The following WDR70 variants were observed in gnomAD, a reference collection of about 807,000 sequenced individuals.
The protein encoded by WDR70 is WD repeat domain 70.
WDR70 carries 53 observed loss-of-function variants against 88.6 expected under a neutral mutation model. That is an observed-to-expected ratio of 0.60 (90% confidence interval 0.48 to 0.75). The LOEUF (loss-of-function observed/expected upper bound fraction) is 0.75, where lower values mean the gene tolerates loss of function less well. Ranked by LOEUF, WDR70 falls within the 30% of genes least tolerant of loss-of-function variation. The probability of loss-of-function intolerance (pLI) is 0.00; values close to 1 mark genes in which losing one functional copy is unlikely to be tolerated. For synonymous variants in WDR70, 280 were observed against 270.0 expected (o/e 1.04, Z -0.36); for missense variants, 610 against 823.2 (o/e 0.74, Z 3.17).
intron 9 of WDR70, among the ~76,000 whole-genome samples, chr5:37,597,414 G>C (rs1398033727): frequency 4.0e-5 from 6 of 151,742 alleles, no homozygotes; most frequent in Non-Finnish European, 8.8e-5. Context: ...AGTGTATTGT[G>C]ATTTTTAATT....
chr5:37,602,975 AAAAAAAAAT>A (rs1012862384), intron 9 of WDR70, among the ~76,000 whole-genome samples: 4 of 151,574 alleles, frequency 2.6e-5, no homozygotes, highest in Non-Finnish European at 2.9e-5. Flanking sequence ...AGACTGTCTT[AAAAAAAAAT>A]AAAAAAAATA....
intron 10 of WDR70, among the ~76,000 whole-genome samples, chr5:37,681,026 G>T (rs140874447): frequency 0.012 from 1,883 of 152,208 alleles, 80 homozygotes; most frequent in Admixed American, 0.086. Flanking sequence ...AATTGCTTTG[G>T]GCAGTATGGC....
rs951678510 is a variant in WDR70, at chr5:37,414,600, T to C, written c.492+18030T>C. 2.8e-5 allele frequency among the ~76,000 whole-genome samples: 4 copies of C among 144,874 alleles called. No homozygotes were observed. In the East Asian group the frequency reaches 7.8e-4, roughly 28 times the overall value. On this transcript the variant is annotated intron_variant, in intron 5 of 17. Transcript: ENST00000265107. Reference sequence around the variant, plus strand: ...GAATGTAAGTTCTATGAGGACAGTCTGTTTTTTTTTTTTTTTTTTTACTGC... The same window carrying C: ...GAATGTAAGTTCTATGAGGACAGTCCGTTTTTTTTTTTTTTTTTTTACTGC...
chr5:37,664,093 T>C lies in WDR70; in HGVS notation c.1093-33562T>C, dbSNP rs1010934192. On this transcript the variant is annotated intron_variant, in intron 10 of 17. Coordinates refer to ENST00000265107, the MANE Select transcript of WDR70 (RefSeq NM_018034.4). ...CAATTTAAATTGCTGTCTTACCTAC[T>C]CCTCCATTAATGACACAGCTCAAGC... is the stretch of plus-strand genomic sequence containing the variant. Among the ~76,000 whole-genome samples the C allele has an allele frequency of 9.9e-5, 15 of 152,226 alleles. No individual in the cohort carries two copies. In the East Asian group the frequency reaches 2.9e-3, roughly 29 times the overall value.
chr5:37,487,913 C>G (rs1424724263), intron 8 of WDR70, among the ~76,000 whole-genome samples: 1 of 151,864 alleles, frequency 6.6e-6, no homozygotes, highest in Non-Finnish European at 1.5e-5. Flanking sequence ...CATGAGCCAC[C>G]GCATCCAGCC....
At chr5:37,573,418 T>C (rs1742966861) in intron 9 of WDR70, among the ~76,000 whole-genome samples, 1 of 152,156 alleles carries the variant, frequency 6.6e-6, no homozygotes, top group Non-Finnish European at 1.5e-5. Flanking sequence ...TTAGGGTACA[T>C]GTGCACAACG....
intron 9 of WDR70, among the ~76,000 whole-genome samples, chr5:37,554,988 T>C (rs888683650): frequency 6.6e-6 from 1 of 152,246 alleles, no homozygotes; most frequent in African/African-American, 2.4e-5. Context: ...CAGCCATCTC[T>C]TAGAGTGAAT....
chr5:37,465,157 T>C (rs1208881229), intron 7 of WDR70, among the ~76,000 whole-genome samples: 1 of 152,204 alleles, frequency 6.6e-6, no homozygotes, highest in Non-Finnish European at 1.5e-5. Flanking sequence ...TCTTTCCCAG[T>C]GTTTCAGGAA....
At chr5:37,594,705 A>T (rs2112453837) in intron 9 of WDR70, among the ~76,000 whole-genome samples, 1 of 152,348 alleles carries the variant, frequency 6.6e-6, no homozygotes, top group Middle Eastern at 3.4e-3. Context: ...TGGGGATGGC[A>T]TTGAATCTAT....
chr5:37,740,373 A>G (rs1309890979), intron 17 of WDR70, among the ~76,000 whole-genome samples: 1 of 152,240 alleles, frequency 6.6e-6, no homozygotes, highest in East Asian at 1.9e-4. Flanking sequence ...AAAAGAAAGA[A>G]TAGCTACAAT....
intron 6 of WDR70, among the ~76,000 whole-genome samples, chr5:37,442,722 G>A (rs1240037852): frequency 1.3e-5 from 2 of 152,256 alleles, no homozygotes; most frequent in East Asian, 3.9e-4. Flanking sequence ...TGAATATACC[G>A]AGCCATTTGA....
chr5:37,600,981 C>CA (rs749954591), intron 9 of WDR70, among the ~76,000 whole-genome samples: 2 of 152,054 alleles, frequency 1.3e-5, no homozygotes, highest in Admixed American at 1.3e-4. Context: ...ATAATGTTAA[C>CA]AAAAAACAGA....
chr5:37,550,113 C>T (rs1742102176), intron 9 of WDR70, among the ~76,000 whole-genome samples: 1 of 152,172 alleles, frequency 6.6e-6, no homozygotes, highest in Non-Finnish European at 1.5e-5. Context: ...CATCCATCTG[C>T]CATGGCCTCC....
intron 10 of WDR70, among the ~76,000 whole-genome samples, chr5:37,682,186 T>C (rs1216952641): frequency 6.6e-6 from 1 of 152,198 alleles, no homozygotes; most frequent in Admixed American, 6.5e-5. Flanking sequence ...AATTTATCCA[T>C]TTCTTCTAGA....
At chr5:37,634,312 G>A (rs56307739) in intron 10 of WDR70, among the ~76,000 whole-genome samples, 40 of 124,316 alleles carry the variant, frequency 3.2e-4, no homozygotes, top group Non-Finnish European at 2.9e-4. Context: ...AAAAAAAAAA[G>A]AAAAAAAAGA....
intron 5 of WDR70, among the ~76,000 whole-genome samples, chr5:37,434,128 A>ATCTC (rs1750396002): frequency 6.6e-6 from 1 of 152,152 alleles, no homozygotes; most frequent in Non-Finnish European, 1.5e-5. Flanking sequence ...GCAAAGGAGA[A>ATCTC]ACACCTTCTT....
intron 10 of WDR70, among the ~76,000 whole-genome samples, chr5:37,649,685 G>A (rs1185792867): frequency 6.9e-6 from 1 of 145,922 alleles, no homozygotes; most frequent in East Asian, 2.0e-4. Context: ...ACATATGTAA[G>A]CACTTTGTAA....
intron 5 of WDR70, among the ~76,000 whole-genome samples, chr5:37,420,120 T>G (rs1011383043): frequency 6.6e-6 from 1 of 152,096 alleles, no homozygotes; most frequent in Non-Finnish European, 1.5e-5. Context: ...CCCAGTGCTT[T>G]GGGAGGCCGA....
chr5:37,445,056 G>A (rs559453762), intron 7 of WDR70, among the ~76,000 whole-genome samples: 1 of 152,112 alleles, frequency 6.6e-6, no homozygotes, highest in Non-Finnish European at 1.5e-5. Flanking sequence ...CATGTCCTGG[G>A]CTTTGGGGAC....
Sources: gnomAD v4.1 joint callset for allele counts (sites outside exome capture counted in the v4.1 genomes callset) on GRCh38, gnomAD v4.1.1 for gene constraint, MANE v1.5 for transcripts, NCBI Gene and HGNC (gene_info 2026-07-23, HGNC 2026-07-21) for gene names.